CHD6: variants seen among roughly 807,000 people sequenced by gnomAD.
CHD6 encodes ATP-dependent chromatin remodeler CHD6.
A neutral mutation model predicts 276.9 loss-of-function variants in CHD6; 50 were observed. The ratio of observed to expected loss-of-function variants is 0.18; its 90% CI spans 0.14 to 0.23. The LOEUF (loss-of-function observed/expected upper bound fraction) is 0.23, where lower values mean the gene tolerates loss of function less well. Among genes scored for constraint, CHD6 ranks in the 10% least tolerant of loss-of-function variants. CHD6 has a pLI of 1.00. For synonymous variants in CHD6, 1,173 were observed against 1,229.3 expected, an observed-to-expected ratio of 0.95 and a Z score of 0.96; for missense variants, 2,564 against 3,365.8, an observed-to-expected ratio of 0.76 and a Z score of 5.89.
In CHD6 at chr20:41,533,194, T is replaced by C; in HGVS notation, c.410A>G (p.Lys137Arg). The part of the protein sequence containing the change: ...PKEPRKAKEP[K>R]KAKEHKEPKQ... The stretch of plus-strand genomic sequence containing the variant: ...CGGCTCCTTGTGCTCCTTGGCCTTC[T>C]TCGGCTCCTTGGCCTTTCTGGGTTC... Residue 137 changes from lysine (K) to arginine (R), a missense_variant, in exon 3 of 37, where the codon AAG (lysine) becomes AGG (arginine). Physicochemically the swap from Lys to Arg is conservative, Grantham distance 26. Transcript: ENST00000373233. 1.2e-6 allele frequency: 2 copies of C among 1,613,944 alleles called. No homozygotes were observed. The highest frequency in any genetic ancestry group is 2.2e-5 in the East Asian group (1 of 44,884).
chr20:41,467,560 T>TG (rs1317003988), intron 17 of CHD6, among the ~76,000 whole-genome samples: 1 of 37,610 alleles, frequency 2.7e-5, no homozygotes, highest in East Asian at 1.0e-3. Flanking sequence ...GTTCTGACAA[T>TG]GAAAAAAAAA....
At chr20:41,422,201 A>C (rs530031892) in intron 30 of CHD6, 122 bp from the exon 31 acceptor site, 7 of 979,576 alleles carry the variant, frequency 7.1e-6, no homozygotes. Flanking sequence ...TGGCAGTTTC[A>C]GGTGTGTGAG....
intron 1 of CHD6, among the ~76,000 whole-genome samples, chr20:41,560,815 A>C (rs1488029623): frequency 6.6e-6 from 1 of 151,566 alleles, no homozygotes; most frequent in African/African-American, 2.4e-5. Flanking sequence ...AGAATTCAAT[A>C]GAAATATAAA....
At chr20:41,444,058 C>T (rs2047986094) in intron 25 of CHD6, among the ~76,000 whole-genome samples, 1 of 152,150 alleles carries the variant, frequency 6.6e-6, no homozygotes, top group Admixed American at 6.5e-5. Flanking sequence ...TGCCCTAAAA[C>T]CACCACTGAA....
chr20:41,555,669 G>A (rs1430513748), intron 1 of CHD6, among the ~76,000 whole-genome samples: 1 of 151,448 alleles, frequency 6.6e-6, no homozygotes, highest in African/African-American at 2.4e-5. Flanking sequence ...GCGGGGCAGA[G>A]GCGCTCCCCA....
chr20:41,494,037 G>C, intron 8 of CHD6, 93 bp from the exon 9 acceptor site: 3 of 810,598 alleles, frequency 3.7e-6, no homozygotes, highest in Non-Finnish European at 6.1e-6. Flanking sequence ...CCTACTCTAG[G>C]CCCTATCAAC....
chr20:41,485,912 T>C (rs2043401892), intron 14 of CHD6: 1 of 152,098 alleles, frequency 6.6e-6, no homozygotes, highest in Non-Finnish European at 1.5e-5. Context: ...TTTCAAAACA[T>C]ATTGTACGTG....
chr20:41,590,234 C>A (rs963750941), intron 1 of CHD6, among the ~76,000 whole-genome samples: 11 of 152,286 alleles, frequency 7.2e-5, no homozygotes, highest in East Asian at 5.8e-4. Flanking sequence ...TAAAGACTTA[C>A]ATGTTAGACC....
rs375247033 is a variant in CHD6, at chr20:41,484,596, C to A, written c.2013G>T (p.Leu671=). The A allele has an allele frequency of 1.2e-6, 2 of 1,613,652 alleles. No individual in the cohort carries two copies. Among genetic ancestry groups the A allele is most frequent in the African/African-American group, 1.3e-5 (1 of 74,882 alleles). Reference sequence around the variant, plus strand: ...GCATCATTGGTTTTAGGATAGACTGCAGTTTCTTTACCTGTCCAGGGAAAT... The same window carrying A: ...GCATCATTGGTTTTAGGATAGACTGAAGTTTCTTTACCTGTCCAGGGAAAT... ...DLKTEEQVKK[L]QSILKPMMLR... The change falls in exon 15 of 37, where the codon CTG becomes CTT. Residue 671 remains leucine, a synonymous_variant. Coordinates refer to ENST00000373233, the MANE Select transcript of CHD6 (RefSeq NM_032221.5).
intron 27 of CHD6, among the ~76,000 whole-genome samples, chr20:41,426,381 G>A (rs1488088969): frequency 6.6e-6 from 1 of 152,106 alleles, no homozygotes; most frequent in Non-Finnish European, 1.5e-5. Context: ...GGAACCATGT[G>A]GAATGCTTCT....
intron 3 of CHD6, among the ~76,000 whole-genome samples, chr20:41,528,581 A>G (rs555193259): frequency 6.6e-6 from 1 of 152,226 alleles, no homozygotes; most frequent in Non-Finnish European, 1.5e-5. Context: ...CTCATACTCA[A>G]AAATAATTTA....
chr20:41,456,735 T>C (rs553546551), intron 18 of CHD6, among the ~76,000 whole-genome samples: 5 of 152,368 alleles, frequency 3.3e-5, no homozygotes, highest in South Asian at 2.1e-4. Flanking sequence ...TAAGATACTT[T>C]AGGACAATTT....
chr20:41,553,251 A>G (rs973460600), intron 1 of CHD6, among the ~76,000 whole-genome samples: 1 of 152,256 alleles, frequency 6.6e-6, no homozygotes, highest in Admixed American at 6.5e-5. Flanking sequence ...ACGTGTAGAA[A>G]GTAAAGAGTT....
At chr20:41,524,352 G>A (rs2044476185) in intron 3 of CHD6, among the ~76,000 whole-genome samples, 1 of 152,160 alleles carries the variant, frequency 6.6e-6, no homozygotes, top group Admixed American at 6.5e-5. Context: ...TAGATAAACT[G>A]TGAACTAAAT....
chr20:41,474,383 T>C (rs2043125596), intron 16 of CHD6, among the ~76,000 whole-genome samples: 1 of 152,066 alleles, frequency 6.6e-6, no homozygotes, highest in Admixed American at 6.5e-5. Flanking sequence ...ACGTTGGAGA[T>C]CATGGGATTA....
intron 3 of CHD6, among the ~76,000 whole-genome samples, chr20:41,516,258 C>G (rs73611290): frequency 1.6e-4 from 25 of 151,964 alleles, no homozygotes; most frequent in African/African-American, 6.0e-4. Flanking sequence ...CTACCTCCCA[C>G]GTTTAATTCT....
At chr20:41,553,583 C>G (rs2045177824) in intron 1 of CHD6, among the ~76,000 whole-genome samples, 1 of 152,232 alleles carries the variant, frequency 6.6e-6, no homozygotes, top group African/African-American at 2.4e-5. Flanking sequence ...AGCGTGAGGT[C>G]TAGCTCCAGC....
intron 1 of CHD6, among the ~76,000 whole-genome samples, chr20:41,580,206 T>C (rs538715012): frequency 6.2e-4 from 95 of 152,358 alleles, no homozygotes; most frequent in Non-Finnish European, 1.1e-3. Context: ...ACCAAAGCTA[T>C]GCAAAGAGTG....
Position 41,404,657 on chromosome 20 carries a change from T to C in CHD6, c.8084A>G (p.Glu2695Gly). The change falls in exon 37 of 37, where the codon GAG becomes GGG. Residue 2695 changes from glutamate (E) to glycine (G), a missense_variant. Glu to Gly is a moderately conservative substitution (Grantham distance 98). Transcript: ENST00000373233. ...CCCAGCCTGTGCCCCATGTTCTCTC[T>C]CTGCGGGCAAAGGGGCACTGGGTTC... ...CAEPSAPLPA[E>G]REHGAQAGEG... The C allele has an allele frequency of 1.3e-6, 2 of 1,533,756 alleles. No individual in the cohort carries two copies. Among genetic ancestry groups the C allele is most frequent in the South Asian group, 2.6e-5 (2 of 78,222 alleles).
Sources: allele counts gnomAD v4.1 joint callset (sites outside exome capture counted in the v4.1 genomes callset), GRCh38; gene constraint gnomAD v4.1.1; transcripts MANE v1.5; gene names NCBI Gene and HGNC (gene_info 2026-07-23, HGNC 2026-07-21).